ERC1: variants seen among roughly 807,000 people sequenced by gnomAD.
ERC1 encodes the protein ELKS/RAB6-interacting/CAST family member 1, also known as RAB6 interacting protein 2.
ERC1 carries 56 observed loss-of-function variants against 132.0 expected under a neutral mutation model. The ratio of observed to expected loss-of-function variants is 0.42; its 90% confidence interval spans 0.34 to 0.53. ERC1 has a LOEUF of 0.53. Ranked by LOEUF, ERC1 falls within the 20% of genes least tolerant of loss-of-function variation. The probability of loss-of-function intolerance (pLI) is 0.03; values close to 1 mark genes in which losing one functional copy is unlikely to be tolerated. For missense variants in ERC1, 1,202 were observed against 1,349.9 expected (o/e 0.89, Z 1.72); for synonymous variants, 478 against 476.1 (o/e 1.00, Z -0.05).
chr12:1,219,661 A>C (rs777496919), intron 12 of ERC1, among the ~76,000 whole-genome samples: 3 of 91,120 alleles, frequency 3.3e-5, no homozygotes, highest in Non-Finnish European at 7.0e-5. Context: ...TTTTTGAGAC[A>C]GGGTCTCACT....
intron 3 of ERC1, among the ~76,000 whole-genome samples, chr12:1,093,957 C>CAATATATATATATATATATA (rs1943616646): frequency 1.5e-5 from 1 of 68,910 alleles, no homozygotes; most frequent in Non-Finnish European, 2.9e-5. Flanking sequence ...ATATATTTTT[C>CAATATATATATATATATATA]TATATATATA....
chr12:1,370,217 T>C (rs1481529124), intron 15 of ERC1, among the ~76,000 whole-genome samples: 1 of 152,260 alleles, frequency 6.6e-6, no homozygotes, highest in Non-Finnish European at 1.5e-5. Flanking sequence ...ACCAACTCCA[T>C]TGTGATTATT....
At chr12:1,067,281 G>A (rs906191306) in intron 2 of ERC1, among the ~76,000 whole-genome samples, 3 of 152,154 alleles carry the variant, frequency 2.0e-5, no homozygotes, top group Non-Finnish European at 4.4e-5. Context: ...TCTGCTATCC[G>A]ATGAAAAGCA....
intron 1 of ERC1, among the ~76,000 whole-genome samples, chr12:1,007,666 G>A (rs1963966930): frequency 6.6e-6 from 1 of 151,988 alleles, no homozygotes; most frequent in Non-Finnish European, 1.5e-5. Context: ...TAGGAACAGT[G>A]CTATTGGGTA....
intron 2 of ERC1, among the ~76,000 whole-genome samples, chr12:1,080,784 C>T (rs1942075645): frequency 6.6e-6 from 1 of 152,058 alleles, no homozygotes; most frequent in Non-Finnish European, 1.5e-5. Context: ...TCCAATTAAA[C>T]AAGTGCCTTT....
chr12:1,480,728 G>A (rs1391819075), intron 18 of ERC1: 5 of 660,188 alleles, frequency 7.6e-6, no homozygotes, highest in Admixed American at 4.1e-5. Flanking sequence ...ATAAGCAGGT[G>A]TGGGAGGGGG....
At chr12:1,132,260 T>C (rs1948837076) in intron 7 of ERC1, among the ~76,000 whole-genome samples, 1 of 152,164 alleles carries the variant, frequency 6.6e-6, no homozygotes, top group South Asian at 2.1e-4. Flanking sequence ...ACAGGTGATG[T>C]GAATTGAATA....
chr12:1,230,497 A>G lies in ERC1; in HGVS notation c.2352-6272A>G, dbSNP rs184699699. Among the ~76,000 whole-genome samples, 632 of 152,306 alleles carry G rather than the reference A, an allele frequency of 4.1e-3. 9 individuals carry two copies. Among genetic ancestry groups the G allele is most frequent in the African/African-American group, 0.014 (571 of 41,564 alleles). ...TTAACACTTAATTTTGTGGCCTAAC[A>G]TATGTTATATTCTGGGGAATGCTCT... On this transcript the variant is annotated intron_variant, in intron 12 of 18. Coordinates refer to ENST00000360905, the MANE Select transcript of ERC1 (RefSeq NM_178040.4).
intron 2 of ERC1, among the ~76,000 whole-genome samples, chr12:1,053,131 A>G (rs989625484): frequency 2.0e-5 from 3 of 152,232 alleles, no homozygotes; most frequent in Non-Finnish European, 4.4e-5. Flanking sequence ...AAAATTTAAA[A>G]GTGTTGTGAA....
chr12:1,093,955 T>TATATATATATA (rs1943609606), intron 3 of ERC1, among the ~76,000 whole-genome samples: 1 of 16,142 alleles, frequency 6.2e-5, no homozygotes, highest in Non-Finnish European at 1.8e-4. Context: ...ATATATATTT[T>TATATATATATA]TCTATATATA....
chr12:1,157,033 C>G (rs1951465803), intron 8 of ERC1, among the ~76,000 whole-genome samples: 1 of 151,930 alleles, frequency 6.6e-6, no homozygotes, highest in Non-Finnish European at 1.5e-5. Context: ...TTTAATAGTA[C>G]TTTTCTTTAT....
intron 17 of ERC1, among the ~76,000 whole-genome samples, chr12:1,432,102 C>T (rs985381372): frequency 1.3e-5 from 2 of 152,154 alleles, no homozygotes; most frequent in Non-Finnish European, 2.9e-5. Flanking sequence ...TGGTCTCGAA[C>T]TCCTGAGCTC....
rs570320614 is a variant in ERC1 at position 1,339,573 on chromosome 12, A to T, written c.2781-32260A>T. The stretch of plus-strand genomic sequence containing the variant: ...AGTGGCAGAGGCAGCTCAGCTGGAC[A>T]ACTGTGACAGGGTGCTAGCAGGTGC... On this transcript the variant is annotated intron_variant, in intron 15 of 18. Transcript: ENST00000360905. 6.7e-5 allele frequency among the ~76,000 whole-genome samples: 8 copies of T among 119,512 alleles called. No homozygotes were observed. In the Admixed American group the frequency reaches 6.9e-4, roughly 10 times the overall value. The allele number at this position is 119,512 out of a possible 152,430, so 78.4% of individuals were successfully genotyped here. A position where few individuals can be genotyped will look rare whatever the true frequency, so the allele number is the denominator to read the frequency against.
chr12:1,427,551 TG>T (rs1187493458), intron 17 of ERC1, among the ~76,000 whole-genome samples: 2 of 152,178 alleles, frequency 1.3e-5, no homozygotes, highest in African/African-American at 2.4e-5. Context: ...CCTGTAAAAC[TG>T]GCAAGATATA....
chr12:1,405,004 G>A (rs1164019721), intron 16 of ERC1, among the ~76,000 whole-genome samples: 1 of 151,972 alleles, frequency 6.6e-6, no homozygotes, highest in Non-Finnish European at 1.5e-5. Flanking sequence ...AGCCAGCGTG[G>A]TGGTGTGTGC....
chr12:1,189,521 T>G (rs962926812), intron 11 of ERC1, among the ~76,000 whole-genome samples: 2 of 152,216 alleles, frequency 1.3e-5, no homozygotes, highest in Admixed American at 1.3e-4. Context: ...CCTTTTGATA[T>G]TCTCTTGGAG....
At chr12:1,408,005 C>A (rs184096698) in intron 16 of ERC1, 144 bp from the exon 17 acceptor site, 110 of 600,528 alleles carry the variant, frequency 1.8e-4, no homozygotes, top group African/African-American at 1.8e-3. Context: ...TTTCCAGTAT[C>A]CTCAGAAATC....
chr12:1,080,028 C>T (rs1250302192), intron 2 of ERC1, among the ~76,000 whole-genome samples: 2 of 152,188 alleles, frequency 1.3e-5, no homozygotes, highest in Admixed American at 6.5e-5. Context: ...TGTAAAGATA[C>T]ATATGTGAAG....
intron 2 of ERC1, among the ~76,000 whole-genome samples, chr12:1,053,047 G>T (rs1466914318): frequency 6.6e-6 from 1 of 152,134 alleles, no homozygotes; most frequent in Non-Finnish European, 1.5e-5. Context: ...ATAGTTCATG[G>T]AATTAATAAG....
Sources: allele counts gnomAD v4.1 joint callset (sites outside exome capture counted in the v4.1 genomes callset), GRCh38; gene constraint gnomAD v4.1.1; transcripts MANE v1.5; gene names NCBI Gene and HGNC (gene_info 2026-07-23, HGNC 2026-07-21).